PSMB1: variants seen among roughly 807,000 people sequenced by gnomAD.
The protein encoded by PSMB1 is proteasome subunit beta type-1.
A neutral mutation model predicts 25.4 loss-of-function variants in PSMB1; 7 were observed. That is an observed-to-expected ratio of 0.28 (90% CI 0.16 to 0.52). The LOEUF is 0.52. PSMB1 is among the 20% of genes least tolerant of loss of function. The pLI is 0.97. For synonymous variants in PSMB1, 119 were observed against 115.0 expected, an observed-to-expected ratio of 1.03 and a Z score of -0.22; for missense variants, 284 against 302.2, an observed-to-expected ratio of 0.94 and a Z score of 0.45.
intron 1 of PSMB1, among the ~76,000 whole-genome samples, chr6:170,551,616 G>C (rs1349789204): frequency 6.6e-6 from 1 of 152,112 alleles, no homozygotes; most frequent in Non-Finnish European, 1.5e-5. Context: ...ATAGAGAATA[G>C]CCTTACGAAA....
chr6:170,542,524 G>C (rs895688268), intron 4 of PSMB1, among the ~76,000 whole-genome samples: 8 of 152,140 alleles, frequency 5.3e-5, no homozygotes, highest in Non-Finnish European at 7.4e-5. Flanking sequence ...GCTATTGCTT[G>C]AAACACTGAG....
At chr6:170,549,320 C>A (rs1778862365) in intron 1 of PSMB1, 1 of 498,630 alleles carries the variant, frequency 2.0e-6, no homozygotes, top group Non-Finnish European at 3.5e-6. Flanking sequence ...AAGCCTAAAT[C>A]AGGGCAAAGT....
intron 4 of PSMB1, 54 bp downstream of exon 4, chr6:170,543,547 C>CTA: frequency 6.7e-7 from 1 of 1,496,662 alleles, no homozygotes; most frequent in Non-Finnish European, 9.2e-7. Context: ...ATACACACAT[C>CTA]TAGGGAATAA....
intron 1 of PSMB1, 49 bp downstream of exon 1, chr6:170,553,081 A>C (rs746339056): frequency 2.0e-6 from 3 of 1,486,484 alleles, no homozygotes; most frequent in Admixed American, 1.9e-5. Context: ...AGGCTTCAGC[A>C]GATGGGGGAA....
intron 4 of PSMB1, 142 bp from the exon 5 acceptor site, chr6:170,537,482 T>G (rs754788601): frequency 1.7e-5 from 11 of 644,228 alleles, no homozygotes; most frequent in Non-Finnish European, 2.5e-5. Context: ...ACACAGCCAC[T>G]GTTGCACTGG....
intron 1 of PSMB1, among the ~76,000 whole-genome samples, chr6:170,552,841 C>A (rs1778929367): frequency 6.6e-6 from 1 of 152,240 alleles, no homozygotes; most frequent in African/African-American, 2.4e-5. Flanking sequence ...GCAAGGAGCA[C>A]GGAGTGGCGG....
At chr6:170,536,896 G>A (rs1583112134) in intron 5 of PSMB1, among the ~76,000 whole-genome samples, 1 of 152,142 alleles carries the variant, frequency 6.6e-6, no homozygotes, top group Non-Finnish European at 1.5e-5. Context: ...CACAGAAAGG[G>A]GGGGTAAGAG....
At chr6:170,537,198 G>T in intron 5 of PSMB1, 36 bp downstream of exon 5, 1 of 1,505,060 alleles carries the variant, frequency 6.6e-7, no homozygotes, top group Non-Finnish European at 9.2e-7. Flanking sequence ...ATGACAAGTT[G>T]GACATAGTAT....
At chr6:170,537,686 G>T (rs369958090) in intron 4 of PSMB1, among the ~76,000 whole-genome samples, 1 of 152,202 alleles carries the variant, frequency 6.6e-6, no homozygotes, top group African/African-American at 2.4e-5. Flanking sequence ...GCATTTTTAT[G>T]ATCTTCAGGT....
chr6:170,535,457 G>C, intron 5 of PSMB1, 52 bp from the exon 6 acceptor site: 1 of 1,498,590 alleles, frequency 6.7e-7, no homozygotes, highest in East Asian at 2.3e-5. Context: ...GAGCACAAAG[G>C]AAAGGTTCAA....
chr6:170,546,266 C>G, intron 2 of PSMB1, 82 bp from the exon 3 acceptor site: 3 of 1,079,914 alleles, frequency 2.8e-6, no homozygotes, highest in East Asian at 2.6e-5. Flanking sequence ...ATTTAAAATT[C>G]TGATTCCCAC....
chr6:170,543,985 G>A (rs1031368470), intron 3 of PSMB1, among the ~76,000 whole-genome samples: 4 of 152,114 alleles, frequency 2.6e-5, no homozygotes, highest in African/African-American at 9.7e-5. Context: ...TAATCCAAGA[G>A]CTAATGTGTA....
chr6:170,547,881 C>CAA lies in PSMB1; in HGVS notation c.221+1123_221+1124dup, dbSNP rs5881874. Among the ~76,000 whole-genome samples, 1,066 of 112,906 alleles carry CAA rather than the reference C, an allele frequency of 9.4e-3. 28 individuals are homozygous for CAA. Among genetic ancestry groups the CAA allele is most frequent in the African/African-American group, 0.029 (957 of 32,464 alleles). 74.1% of individuals were successfully genotyped at this position (112,906 alleles called of 152,430 possible). A position where few individuals can be genotyped will look rare whatever the true frequency, so the allele number is the denominator to read the frequency against. ...CTATCTCTATATCTGACGTGTTTCACAAAAAAAAAAAAAAAAAGTGCTCAC... is the reference window on the plus strand; with the variant it reads ...CTATCTCTATATCTGACGTGTTTCACAAAAAAAAAAAAAAAAAAAGTGCTCAC... On this transcript the variant is annotated intron_variant, in intron 2 of 5. Transcript: ENST00000262193.
At chr6:170,542,316 C>G (rs1778766885) in intron 4 of PSMB1, among the ~76,000 whole-genome samples, 1 of 152,124 alleles carries the variant, frequency 6.6e-6, no homozygotes, top group South Asian at 2.1e-4. Flanking sequence ...AACCGAGAGG[C>G]AGGGCGCTGA....
rs998594467 is a variant in PSMB1, at chr6:170,543,497, G to A, written c.433+104C>T. 13 of 1,147,880 alleles carry A rather than the reference G, an allele frequency of 1.1e-5. No homozygotes were observed. In the East Asian group the frequency reaches 3.3e-4, roughly 29 times the overall value. The allele number at this position is 1,147,880 out of a possible 1,614,324, so 71.1% of individuals were successfully genotyped here. ...CATTATCAGAAATGAAATGAGAATTGTGTCAGATGGTATTTATGGTTCTTT... is the reference window on the plus strand; with the variant it reads ...CATTATCAGAAATGAAATGAGAATTATGTCAGATGGTATTTATGGTTCTTT... On this transcript the variant is annotated intron_variant, in intron 4 of 5. Transcript: ENST00000262193.
chr6:170,538,299 A>G (rs908635415), intron 4 of PSMB1, among the ~76,000 whole-genome samples: 2 of 152,238 alleles, frequency 1.3e-5, no homozygotes, highest in Non-Finnish European at 2.9e-5. Context: ...TTTAGAAAAC[A>G]CATTATATAC....
intron 1 of PSMB1, 41 bp from the exon 2 acceptor site, chr6:170,549,154 T>C: frequency 8.4e-7 from 1 of 1,192,402 alleles, no homozygotes; most frequent in Non-Finnish European, 1.2e-6. Context: ...AGGGTGGTAA[T>C]CCTATCCCTA....
intron 4 of PSMB1, among the ~76,000 whole-genome samples, chr6:170,539,722 CTACTCGAAGTT>C (rs1778734714): frequency 6.6e-6 from 1 of 152,120 alleles, no homozygotes; most frequent in Admixed American, 6.5e-5. Flanking sequence ...AATACTTCAA[CTACTCGAAGTT>C]TATTCTAGCA....
chr6:170,547,261 G>T (rs966128877), intron 2 of PSMB1, among the ~76,000 whole-genome samples: 2 of 152,158 alleles, frequency 1.3e-5, no homozygotes, highest in African/African-American at 4.8e-5. Context: ...ATCCAAGTAT[G>T]CAAAGGGATG....
Sources: gnomAD v4.1 joint callset for allele counts (sites outside exome capture counted in the v4.1 genomes callset) on GRCh38, gnomAD v4.1.1 for gene constraint, MANE v1.5 for transcripts, NCBI Gene and HGNC (gene_info 2026-07-23, HGNC 2026-07-21) for gene names.